ZNF487: variants seen among roughly 807,000 people sequenced by gnomAD.
ZNF487 encodes zinc finger protein 487.
In ZNF487, 4 loss-of-function variants were observed where a neutral mutation model predicts 3.0. The observed-to-expected ratio is 1.35, with a 90% confidence interval of 0.66 to 3.08. ZNF487 has a LOEUF of 3.08. Ranked by LOEUF, ZNF487 falls within the 30% of genes most tolerant of loss-of-function variation. ZNF487 has a pLI of 0.01. For synonymous variants in ZNF487, 55 were observed against 34.6 expected (o/e 1.59, Z -2.06); for missense variants, 146 against 98.7 (o/e 1.48, Z -2.03).
chr10:43,462,594 T>C (rs1029137260), intron 1 of ZNF487, among the ~76,000 whole-genome samples: 1 of 149,826 alleles, frequency 6.7e-6, no homozygotes, highest in African/African-American at 2.5e-5. Flanking sequence ...TAGCTGGGAC[T>C]ACAGGTGTGC....
At chr10:43,505,129 C>T in the ZNF487 span, among the ~76,000 whole-genome samples, 1 of 152,210 alleles carries the variant, frequency 6.6e-6, no homozygotes, top group African/African-American at 2.4e-5. Context: ...AAGCGTTCCT[C>T]CTGCCTCAGC....
At chr10:43,505,624 C>T in the ZNF487 span, among the ~76,000 whole-genome samples, 1 of 151,888 alleles carries the variant, frequency 6.6e-6, no homozygotes, top group East Asian at 1.9e-4. Flanking sequence ...TCAACATTGT[C>T]TTATAATTAC....
chr10:43,484,736 T>C (rs1270992918), downstream of ZNF487, among the ~76,000 whole-genome samples: 1 of 152,220 alleles, frequency 6.6e-6, no homozygotes, highest in African/African-American at 2.4e-5. Flanking sequence ...TCATTCTATT[T>C]TTTAGAGTTT....
intron 1 of ZNF487, among the ~76,000 whole-genome samples, chr10:43,449,299 C>CA (rs1286695692): frequency 1.4e-3 from 190 of 135,780 alleles, no homozygotes; most frequent in Non-Finnish European, 1.9e-3. Flanking sequence ...ACTCTGTCTC[C>CA]AAAAAAAAAA....
intron 1 of ZNF487, among the ~76,000 whole-genome samples, chr10:43,471,751 C>A (rs771084190): frequency 6.6e-5 from 10 of 152,270 alleles, no homozygotes; most frequent in Non-Finnish European, 1.2e-4. Context: ...CTGTCTCCCC[C>A]TCTACTGACT....
the ZNF487 span, among the ~76,000 whole-genome samples, chr10:43,492,540 C>T: frequency 6.6e-6 from 1 of 151,612 alleles, no homozygotes; most frequent in African/African-American, 2.4e-5. Context: ...CAAGCTCCAC[C>T]TCCTGAGTTC....
downstream of ZNF487, among the ~76,000 whole-genome samples, chr10:43,487,119 T>C (rs908555946): frequency 3.3e-5 from 5 of 151,364 alleles, no homozygotes; most frequent in Non-Finnish European, 7.4e-5. Flanking sequence ...CATTAGATCA[T>C]ATTCTAGTCA....
At chr10:43,495,646 C>G in the ZNF487 span, among the ~76,000 whole-genome samples, 204 of 152,290 alleles carry the variant, frequency 1.3e-3, 1 homozygote, top group African/African-American at 4.5e-3. Context: ...CTTTTAGATT[C>G]TTCTTGCATT....
chr10:43,499,914 C>T, the ZNF487 span, among the ~76,000 whole-genome samples: 1 of 151,858 alleles, frequency 6.6e-6, no homozygotes, highest in Non-Finnish European at 1.5e-5. Context: ...GAGACAGTCT[C>T]ACTCTGTCGC....
At chr10:43,510,259 C>T in the ZNF487 span, among the ~76,000 whole-genome samples, 1 of 152,192 alleles carries the variant, frequency 6.6e-6, no homozygotes, top group Admixed American at 6.5e-5. Context: ...ATTACCCATT[C>T]TGTATTCCCT....
chr10:43,470,445 G>A (rs181826287), intron 1 of ZNF487, among the ~76,000 whole-genome samples: 45 of 151,300 alleles, frequency 3.0e-4, no homozygotes, highest in African/African-American at 1.1e-3. Flanking sequence ...GTGCAATGGC[G>A]TGATCTCACC....
intron 1 of ZNF487, among the ~76,000 whole-genome samples, chr10:43,459,614 A>G (rs1488791177): frequency 6.6e-6 from 1 of 152,062 alleles, no homozygotes; most frequent in African/African-American, 2.4e-5. Context: ...TCTGTCACGC[A>G]GTCTGGAGTG....
At chr10:43,449,896 TCTC>T in intron 1 of ZNF487, among the ~76,000 whole-genome samples, 5 of 152,096 alleles carry the variant, frequency 3.3e-5, no homozygotes. Flanking sequence ...GCCAGGCTGG[TCTC>T]GAACTCCTGA....
At position 43,465,801 on chromosome 10, in the gene ZNF487, G is replaced by C. The variant is rs189754062; in HGVS notation, c.-93-9920G>C. 4.6e-5 allele frequency among the ~76,000 whole-genome samples: 7 copies of C among 152,358 alleles called. No homozygotes were observed. The East Asian group carries it at 1.4e-3, about 29-fold the overall frequency. ...CAGATGGGGTGGCCGCCGAGCAGAG[G>C]CTGCAATCTCGGCACTTTGGGAGGC... On this transcript the variant is annotated intron_variant, in intron 1 of 3. Transcript: ENST00000437590.
the ZNF487 span, among the ~76,000 whole-genome samples, chr10:43,511,618 C>G: frequency 6.6e-6 from 1 of 152,174 alleles, no homozygotes; most frequent in African/African-American, 2.4e-5. Context: ...AAATAGGGCA[C>G]TCATCAGTGA....
chr10:43,495,343 A>G, the ZNF487 span, among the ~76,000 whole-genome samples: 1 of 152,056 alleles, frequency 6.6e-6, no homozygotes, highest in East Asian at 1.9e-4. Context: ...TCCCAGGTTC[A>G]AGCGATTCTC....
At chr10:43,502,346 C>T in the ZNF487 span, among the ~76,000 whole-genome samples, 1 of 151,648 alleles carries the variant, frequency 6.6e-6, no homozygotes, top group Non-Finnish European at 1.5e-5. Flanking sequence ...AACACTTGGA[C>T]ACAGGAAGGG....
At chr10:43,484,310 C>T (rs1230723491), downstream of ZNF487, among the ~76,000 whole-genome samples, 4 of 151,924 alleles carry the variant, frequency 2.6e-5, no homozygotes, top group Non-Finnish European at 5.9e-5. Flanking sequence ...TGTTACTGAT[C>T]AAGATAAGAA....
rs533696435 is a variant in ZNF487, at chr10:43,443,383, T to A, written c.-94+6121T>A. ...TGGGCCTAGTTTTTGTTTTTGTTTT[T>A]TTTTTTTTGAGATGGAGTCTTGCTC... is the stretch of plus-strand genomic sequence containing the variant. On this transcript the variant is annotated intron_variant, in intron 1 of 3. Transcript: ENST00000437590. 3.3e-4 allele frequency among the ~76,000 whole-genome samples: 49 copies of A among 150,078 alleles called. No homozygotes were observed. In the East Asian group the frequency reaches 8.6e-3, roughly 26 times the overall value.
Sources: allele counts gnomAD v4.1 joint callset (sites outside exome capture counted in the v4.1 genomes callset), GRCh38; gene constraint gnomAD v4.1.1; transcripts MANE v1.5; gene names NCBI Gene and HGNC (gene_info 2026-07-23, HGNC 2026-07-21).